PAX7: variants seen among roughly 807,000 people sequenced by gnomAD.
PAX7 encodes paired box protein Pax-7.
A neutral mutation model predicts 50.7 loss-of-function variants in PAX7; 18 were observed. That is an observed-to-expected ratio of 0.36 (90% CI 0.25 to 0.53). PAX7 has a LOEUF of 0.53. Among genes scored for constraint, PAX7 ranks in the 20% least tolerant of loss-of-function variants. The probability of loss-of-function intolerance (pLI) is 0.93; values close to 1 mark genes in which losing one functional copy is unlikely to be tolerated. For missense variants in PAX7, 644 were observed against 702.9 expected, an observed-to-expected ratio of 0.92 and a Z score of 0.95; for synonymous variants, 310 against 290.4, an observed-to-expected ratio of 1.07 and a Z score of -0.69.
At chr1:18,702,263 C>T (rs143246650) in intron 6 of PAX7, among the ~76,000 whole-genome samples, 154 of 152,176 alleles carry the variant, frequency 1.0e-3, no homozygotes, top group African/African-American at 3.5e-3. Context: ...CGCTTGAACC[C>T]GGGAGGCGGA....
At chr1:18,733,979 G>A (rs1478107318) in intron 7 of PAX7, among the ~76,000 whole-genome samples, 2 of 152,138 alleles carry the variant, frequency 1.3e-5, no homozygotes, top group Non-Finnish European at 2.9e-5. Context: ...AGTCAAATGA[G>A]TTAACTGCTC....
rs1303743209 is a variant in PAX7 at position 18,631,384 on chromosome 1, C to A, written c.-220C>A. The stretch of plus-strand genomic sequence containing the variant: ...TCGTCGTCGCCACCTTCCCTCCCCC[C>A]AACCTCCACCCCACCTCACCCCCCT... On this transcript the variant is annotated 5_prime_UTR_variant, in exon 1 of 9. Transcript: ENST00000420770. 3.6e-6 allele frequency: 2 copies of A among 555,736 alleles called. No individual in the cohort carries two copies. Among genetic ancestry groups the A allele is most frequent in the Non-Finnish European group, 6.5e-6 (2 of 309,180 alleles). The allele number at this position is 555,736 out of a possible 1,614,324, so 34.4% of individuals were successfully genotyped here.
chr1:18,694,204 G>T (rs1570180970), intron 5 of PAX7, among the ~76,000 whole-genome samples: 1 of 152,182 alleles, frequency 6.6e-6, no homozygotes, highest in East Asian at 1.9e-4. Context: ...GTTCACTCCT[G>T]TAATCCCAGC....
intron 4 of PAX7, among the ~76,000 whole-genome samples, chr1:18,687,850 A>C (rs1484743110): frequency 2.6e-5 from 4 of 152,144 alleles, no homozygotes. Context: ...CGGTCTGGGC[A>C]TCTCTCTGGA....
intron 7 of PAX7, among the ~76,000 whole-genome samples, chr1:18,720,214 G>A (rs1055234233): frequency 2.0e-5 from 3 of 152,138 alleles, no homozygotes; most frequent in Admixed American, 6.5e-5. Context: ...CTCTCATGCC[G>A]TCCCCTCCTC....
At chr1:18,740,581 A>G (rs1365215356) in intron 8 of PAX7, among the ~76,000 whole-genome samples, 1 of 152,226 alleles carries the variant, frequency 6.6e-6, no homozygotes, top group East Asian at 1.9e-4. Flanking sequence ...TAGGTGGTCC[A>G]TACATGAGGG....
chr1:18,667,392 AAG>A (rs2088684026), intron 4 of PAX7, among the ~76,000 whole-genome samples: 1 of 10,056 alleles, frequency 9.9e-5, no homozygotes, highest in South Asian at 3.1e-3. Context: ...AGGAAGGAGA[AAG>A]GAAGGAAGGA....
chr1:18,738,099 A>G (rs1199483272), intron 8 of PAX7, among the ~76,000 whole-genome samples: 1 of 151,982 alleles, frequency 6.6e-6, no homozygotes, highest in African/African-American at 2.4e-5. Flanking sequence ...ATGTGTATGG[A>G]TGTACATCTG....
chr1:18,704,289 CT>C (rs2089257650), intron 7 of PAX7, among the ~76,000 whole-genome samples: 1 of 152,266 alleles, frequency 6.6e-6, no homozygotes, highest in East Asian at 1.9e-4. Flanking sequence ...TGTATGGTGG[CT>C]TTTTTGCCAC....
chr1:18,699,564 A>AT (rs71027390), intron 5 of PAX7, among the ~76,000 whole-genome samples: 28,709 of 143,652 alleles, frequency 0.2, 3,587 homozygotes, highest in African/African-American at 0.34. Context: ...AGCCAGACTG[A>AT]TTTTTTTTTT....
chr1:18,692,132 G>A (rs2089080768), intron 5 of PAX7, among the ~76,000 whole-genome samples, 179 bp downstream of exon 5: 1 of 152,130 alleles, frequency 6.6e-6, no homozygotes, highest in Non-Finnish European at 1.5e-5. Flanking sequence ...AGCAAATGTT[G>A]GTTGACTGAG....
Position 18,639,247 on chromosome 1 carries a change from A to C in PAX7, c.586+2876A>C, listed in dbSNP as rs2088209629. On this transcript the variant is annotated intron_variant, in intron 4 of 8. Coordinates refer to ENST00000420770, the MANE Select transcript of PAX7 (RefSeq NM_001135254.2). ...GCATGGTAAGAAACTATTTATCCGCAATCAGTTCTCACTCTCAGAGTTTGA... is the reference window on the plus strand; with the variant it reads ...GCATGGTAAGAAACTATTTATCCGCCATCAGTTCTCACTCTCAGAGTTTGA... 2.0e-5 allele frequency among the ~76,000 whole-genome samples: 3 copies of C among 152,300 alleles called. No individual in the cohort carries two copies. The South Asian group carries it at 6.2e-4, about 32-fold the overall frequency.
At chr1:18,660,377 T>C (rs570444242) in intron 4 of PAX7, among the ~76,000 whole-genome samples, 9 of 152,224 alleles carry the variant, frequency 5.9e-5, no homozygotes, top group Admixed American at 1.3e-4. Flanking sequence ...CCTAGACACC[T>C]TATTTTTTCT....
intron 7 of PAX7, among the ~76,000 whole-genome samples, chr1:18,731,482 C>T (rs1254016365): frequency 3.3e-5 from 5 of 152,130 alleles, no homozygotes; most frequent in South Asian, 2.1e-4. Flanking sequence ...TTTGCTTCCT[C>T]GTGTCTCAAT....
chr1:18,725,351 C>A (rs999598155), intron 7 of PAX7, among the ~76,000 whole-genome samples: 1 of 151,676 alleles, frequency 6.6e-6, no homozygotes, highest in Non-Finnish European at 1.5e-5. Context: ...GCCTGAGAGC[C>A]CAGACGTCCT....
At chr1:18,642,772 C>A (rs2088275952) in intron 4 of PAX7, among the ~76,000 whole-genome samples, 1 of 151,958 alleles carries the variant, frequency 6.6e-6, no homozygotes, top group Non-Finnish European at 1.5e-5. Flanking sequence ...CTTCCCAAAT[C>A]GAATCAAGGC....
intron 4 of PAX7, among the ~76,000 whole-genome samples, chr1:18,690,652 G>A (rs2089055104): frequency 6.6e-6 from 1 of 152,200 alleles, no homozygotes. Flanking sequence ...CCAACCTTCT[G>A]GGCTCTCCAG....
In PAX7 at chr1:18,631,537, A is replaced by G. The variant is rs1033509473; in HGVS notation, c.-67A>G. On this transcript the variant is annotated 5_prime_UTR_variant, in exon 1 of 9. Transcript: ENST00000420770. ...AAGACGGAAAGAAAGAGATCGCAGC[A>G]GGGGTGAAGGGAGCGGACGGGAAGC... The G allele has an allele frequency of 7.9e-7, 1 of 1,260,034 alleles. No homozygotes were observed. Among genetic ancestry groups the G allele is most frequent in the African/African-American group, 1.5e-5 (1 of 68,252 alleles). 78.1% of individuals were successfully genotyped at this position (1,260,034 alleles called of 1,614,324 possible). A position where few individuals can be genotyped will look rare whatever the true frequency, so the allele number is the denominator to read the frequency against.
intron 8 of PAX7, among the ~76,000 whole-genome samples, chr1:18,738,855 C>T (rs374635052): frequency 1.3e-5 from 2 of 152,214 alleles, no homozygotes; most frequent in South Asian, 2.1e-4. Context: ...ATGGAGGCCA[C>T]GAATTAGACT....
Sources: allele counts gnomAD v4.1 joint callset (sites outside exome capture counted in the v4.1 genomes callset), GRCh38; gene constraint gnomAD v4.1.1; transcripts MANE v1.5; gene names NCBI Gene and HGNC (gene_info 2026-07-23, HGNC 2026-07-21).